The following OPRM1 variants were observed in gnomAD, a reference collection of about 807,000 sequenced individuals.
The protein encoded by OPRM1 is mu-type opioid receptor.
OPRM1 carries 27 observed loss-of-function variants against 31.8 expected under a neutral mutation model. The ratio of observed to expected loss-of-function variants is 0.85; its 90% confidence interval spans 0.63 to 1.17. OPRM1 has a LOEUF of 1.17. Among genes scored for constraint, OPRM1 ranks in the 50% most tolerant of loss-of-function variants. The pLI is 0.00. For synonymous variants in OPRM1, 196 were observed against 189.9 expected (o/e 1.03, Z -0.26); for missense variants, 536 against 511.1 (o/e 1.05, Z -0.47).
chr6:154,229,646 G>C (rs1001097876), intron 3 of OPRM1, among the ~76,000 whole-genome samples: 9 of 151,942 alleles, frequency 5.9e-5, no homozygotes, highest in Non-Finnish European at 1.0e-4. Flanking sequence ...GTGAGCCACC[G>C]TGCCCAGCAG....
intron 3 of OPRM1, among the ~76,000 whole-genome samples, chr6:154,231,822 T>C (rs17085221): frequency 0.012 from 1,898 of 152,340 alleles, 15 homozygotes; most frequent in Middle Eastern, 0.024. Context: ...GGGTACATGA[T>C]TGATTTTTTA....
At chr6:154,080,580 CCCT>C (rs1788867957) in intron 1 of OPRM1, among the ~76,000 whole-genome samples, 1 of 152,214 alleles carries the variant, frequency 6.6e-6, no homozygotes. Flanking sequence ...CTGTCTCGCT[CCCT>C]CTTTTCCTCT....
intron 3 of OPRM1, among the ~76,000 whole-genome samples, chr6:154,186,020 G>A (rs1377707481): frequency 6.6e-6 from 1 of 152,134 alleles, no homozygotes; most frequent in African/African-American, 2.4e-5. Context: ...TATCAATATT[G>A]GGGCACCCCA....
chr6:154,187,484 G>C (rs1261067910), intron 3 of OPRM1, among the ~76,000 whole-genome samples: 1 of 152,144 alleles, frequency 6.6e-6, no homozygotes, highest in African/African-American at 2.4e-5. Flanking sequence ...TGAATGAATG[G>C]AGTTCCCACA....
At chr6:154,156,581 A>G (rs901985871) in intron 3 of OPRM1, 1 of 152,248 alleles carries the variant, frequency 6.6e-6, no homozygotes, top group African/African-American at 2.4e-5. Flanking sequence ...CAAACTACAA[A>G]GTGCTGTGTA....
Position 154,039,258 on chromosome 6 carries a change from C to T in OPRM1, c.-287C>T, listed in dbSNP as rs1779526478. On this transcript the variant is annotated 5_prime_UTR_variant, in exon 1 of 4. Transcript: ENST00000330432. ...TTCCCTCCTCCCTCCCTTCCAGCCT[C>T]CGAATCCCGCATGGCCCACGCTCCC... The T allele has an allele frequency of 1.3e-6, 2 of 1,551,614 alleles. No homozygotes were observed. Among genetic ancestry groups the T allele is most frequent in the Non-Finnish European group, 1.7e-6 (2 of 1,146,982 alleles).
intron 3 of OPRM1, among the ~76,000 whole-genome samples, chr6:154,219,728 A>T (rs191353914): frequency 9.2e-5 from 14 of 152,352 alleles, no homozygotes; most frequent in Admixed American, 8.5e-4. Context: ...GATGCTTAAG[A>T]AAACCAAGGG....
chr6:154,213,209 G>A, intron 3 of OPRM1: 1 of 246,444 alleles, frequency 4.1e-6, no homozygotes, highest in Non-Finnish European at 8.1e-6. Context: ...AATTGAAACT[G>A]GCAGGATCAC....
At chr6:154,107,801 G>A in intron 3 of OPRM1, 2 of 718,250 alleles carry the variant, frequency 2.8e-6, no homozygotes, top group Non-Finnish European at 5.2e-6. Flanking sequence ...CTTGAAAAGG[G>A]GGCTTACAGG....
chr6:154,073,154 T>C (rs1787159855), intron 1 of OPRM1, among the ~76,000 whole-genome samples: 2 of 152,140 alleles, frequency 1.3e-5, no homozygotes, highest in South Asian at 4.1e-4. Flanking sequence ...TAAACTAAGA[T>C]GCTGAAAGAA....
chr6:154,028,786 A>G (rs1672652785), intron 1 of OPRM1, among the ~76,000 whole-genome samples: 1 of 152,146 alleles, frequency 6.6e-6, no homozygotes, highest in African/African-American at 2.4e-5. Context: ...CCCTCTACCT[A>G]GCACACAGAA....
chr6:154,091,238 C>A lies in OPRM1; in HGVS notation c.930C>A (p.Ile310=), dbSNP rs543906273. 1 of 1,614,186 alleles carries A rather than the reference C, an allele frequency of 6.2e-7. No homozygotes were observed. The highest frequency in any genetic ancestry group is 2.2e-5 in the East Asian group (1 of 44,884). ...IYVIIKALVT[I]PETTFQTVSW... ...TCATCATTAAAGCCTTGGTTACAATCCCAGAAACTACGTTCCAGACTGTTT... is the reference window on the plus strand; with the variant it reads ...TCATCATTAAAGCCTTGGTTACAATACCAGAAACTACGTTCCAGACTGTTT... The change falls in exon 3 of 4, where the codon ATC becomes ATA. Residue 310 remains isoleucine (I), a synonymous_variant. Coordinates refer to ENST00000330432, the MANE Select transcript of OPRM1 (RefSeq NM_000914.5).
intron 1 of OPRM1, among the ~76,000 whole-genome samples, chr6:154,052,728 T>C (rs1161346531): frequency 6.6e-6 from 1 of 152,222 alleles, no homozygotes; most frequent in Non-Finnish European, 1.5e-5. Context: ...TCATCTTCTT[T>C]AGAAAATTTG....
intron 3 of OPRM1, among the ~76,000 whole-genome samples, chr6:154,191,846 A>G (rs906732996): frequency 1.3e-5 from 2 of 152,226 alleles, no homozygotes; most frequent in Admixed American, 1.3e-4. Flanking sequence ...TGGAGGGGGT[A>G]TATGTAAACT....
chr6:154,140,051 C>T (rs141391850), intron 3 of OPRM1, among the ~76,000 whole-genome samples: 42 of 152,290 alleles, frequency 2.8e-4, no homozygotes, highest in African/African-American at 9.1e-4. Flanking sequence ...AACGGAGGGC[C>T]TGAAACATTG....
downstream of OPRM1, among the ~76,000 whole-genome samples, chr6:154,133,332 G>A (rs372810922): frequency 6.6e-6 from 1 of 152,162 alleles, no homozygotes; most frequent in South Asian, 2.1e-4. Flanking sequence ...AGCTTTGAAT[G>A]GTGTCTTATT....
At chr6:154,152,296 GAAGA>G (rs1165338713) in intron 3 of OPRM1, among the ~76,000 whole-genome samples, 56 of 96,508 alleles carry the variant, frequency 5.8e-4, no homozygotes, top group South Asian at 1.2e-3. Flanking sequence ...AAGGAAGAGA[GAAGA>G]AAGAAAGAAA....
chr6:154,164,865 G>C (rs1010651971), intron 3 of OPRM1, among the ~76,000 whole-genome samples: 5 of 152,176 alleles, frequency 3.3e-5, no homozygotes, highest in Non-Finnish European at 5.9e-5. Flanking sequence ...CTAAATATCT[G>C]TATTTAGTGT....
chr6:154,119,274 T>C lies in OPRM1; in HGVS notation c.*553T>C, dbSNP rs1006562236. ...TTCACCTCCATTTCTTGGTTTTGTA[T>C]TGTTTAAAAAAATAACATCTCTTTC... On this transcript the variant is annotated 3_prime_UTR_variant, in exon 4 of 4. Coordinates refer to ENST00000330432, the MANE Select transcript of OPRM1 (RefSeq NM_000914.5). The C allele has an allele frequency of 2.0e-6, 2 of 985,480 alleles. No homozygotes were observed. The highest frequency in any genetic ancestry group is 3.5e-5 in the African/African-American group (2 of 57,248). 61.0% of individuals were successfully genotyped at this position (985,480 alleles called of 1,614,324 possible).
Sources: gnomAD v4.1 joint callset for allele counts (sites outside exome capture counted in the v4.1 genomes callset) on GRCh38, gnomAD v4.1.1 for gene constraint, MANE v1.5 for transcripts, NCBI Gene and HGNC (gene_info 2026-07-23, HGNC 2026-07-21) for gene names.